The following TP63 variants were observed in gnomAD, a reference collection of about 807,000 sequenced individuals.
The protein encoded by TP63 is tumor protein p63, also known as tumor protein 63.
TP63 carries 17 observed loss-of-function variants against 82.8 expected under a neutral mutation model. That is an observed-to-expected ratio of 0.21 (90% CI 0.14 to 0.31). TP63 has a LOEUF of 0.31. Ranked by LOEUF, TP63 falls within the 10% of genes least tolerant of loss-of-function variation. The probability of loss-of-function intolerance (pLI) is 1.00; values close to 1 mark genes in which losing one functional copy is unlikely to be tolerated. For synonymous variants in TP63, 330 were observed against 321.7 expected (o/e 1.03, Z -0.28); for missense variants, 648 against 895.3 (o/e 0.72, Z 3.52).
chr3:189,713,753 T>C lies in TP63; in HGVS notation c.63-23987T>C, dbSNP rs553168803. On this transcript the variant is annotated intron_variant, in intron 1 of 13. Coordinates refer to ENST00000264731, the MANE Select transcript of TP63 (RefSeq NM_003722.5). ...GTGAATAACTTTATATCCCTCTTCA[T>C]AATTATAATTGATGCTTTTATAAAT... Among the ~76,000 whole-genome samples, 250 of 152,292 alleles carry C rather than the reference T, an allele frequency of 1.6e-3. 3 individuals are homozygous for C. The highest frequency in any genetic ancestry group is 2.9e-3 in the Non-Finnish European group (194 of 68,014).
the TP63 span, among the ~76,000 whole-genome samples, chr3:189,620,061 G>A: frequency 2.0e-5 from 3 of 152,172 alleles, no homozygotes; most frequent in Admixed American, 2.0e-4. Context: ...CGGAAGAAGG[G>A]GGGCACTTCA....
At chr3:189,852,446 G>C (rs2108768792) in intron 4 of TP63, among the ~76,000 whole-genome samples, 1 of 152,264 alleles carries the variant, frequency 6.6e-6, no homozygotes, top group Non-Finnish European at 1.5e-5. Flanking sequence ...TAGTATTTTT[G>C]CAAGCATCTT....
At chr3:189,774,032 C>T (rs1723581552) in intron 3 of TP63, among the ~76,000 whole-genome samples, 1 of 150,784 alleles carries the variant, frequency 6.6e-6, no homozygotes, top group African/African-American at 2.4e-5. Flanking sequence ...ATGCCATTCT[C>T]CTGCCTCAGC....
At chr3:189,596,929 A>G in the TP63 span, among the ~76,000 whole-genome samples, 1 of 151,970 alleles carries the variant, frequency 6.6e-6, no homozygotes, top group Admixed American at 6.5e-5. Flanking sequence ...AGGAACGAAC[A>G]ACTCCAGACG....
intron 1 of TP63, among the ~76,000 whole-genome samples, chr3:189,652,780 C>A (rs538803707): frequency 6.8e-6 from 1 of 146,454 alleles, no homozygotes; most frequent in East Asian, 2.4e-4. Context: ...CCATCCTGTT[C>A]TCATGATAGT....
At chr3:189,862,351 C>A (rs1487815673) in intron 4 of TP63, among the ~76,000 whole-genome samples, 4 of 151,570 alleles carry the variant, frequency 2.6e-5, no homozygotes, top group African/African-American at 4.8e-5. Flanking sequence ...AGATTCCCAC[C>A]CCCATCCCCG....
intron 4 of TP63, among the ~76,000 whole-genome samples, chr3:189,843,514 C>T (rs1026351610): frequency 2.6e-5 from 4 of 152,132 alleles, no homozygotes; most frequent in East Asian, 3.8e-4. Flanking sequence ...GAGCACAATT[C>T]GTACATGTCT....
At position 189,751,056 on chromosome 3, in the gene TP63, G is replaced by A. The variant is rs150959255; in HGVS notation, c.324+12282G>A. 6.2e-3 allele frequency among the ~76,000 whole-genome samples: 939 copies of A among 152,246 alleles called. 11 individuals carry two copies. The highest frequency in any genetic ancestry group is 0.022 in the African/African-American group (904 of 41,536). ...GATTGTTCAGTTCCCACCTATGAGT[G>A]AGAACATGCGGTGTTTGGTTTTCTG... On this transcript the variant is annotated intron_variant, in intron 3 of 13. Transcript: ENST00000264731.
intron 4 of TP63, among the ~76,000 whole-genome samples, chr3:189,810,398 A>T (rs1727414123): frequency 6.6e-6 from 1 of 152,198 alleles, no homozygotes; most frequent in Non-Finnish European, 1.5e-5. Flanking sequence ...CCATTATATT[A>T]GGAGTCAGCA....
chr3:189,663,138 G>T (rs1045812253), intron 1 of TP63, among the ~76,000 whole-genome samples: 56 of 152,048 alleles, frequency 3.7e-4, no homozygotes, highest in African/African-American at 1.3e-3. Flanking sequence ...TGTAGCTGGG[G>T]TATTAATTCT....
intron 3 of TP63, among the ~76,000 whole-genome samples, chr3:189,790,647 C>G (rs1466626801): frequency 6.6e-6 from 1 of 151,646 alleles, no homozygotes; most frequent in Non-Finnish European, 1.5e-5. Context: ...TGAGGGAGGT[C>G]TAACAACAAT....
chr3:189,730,041 A>G (rs866684575), intron 1 of TP63, among the ~76,000 whole-genome samples: 1 of 152,304 alleles, frequency 6.6e-6, no homozygotes, highest in Middle Eastern at 3.4e-3. Context: ...AGCTAACCCG[A>G]AGACTCATTT....
At chr3:189,728,783 C>T (rs958063016) in intron 1 of TP63, among the ~76,000 whole-genome samples, 1 of 152,158 alleles carries the variant, frequency 6.6e-6, no homozygotes, top group Non-Finnish European at 1.5e-5. Flanking sequence ...ACCATCAGAT[C>T]TCATGAGACT....
intron 3 of TP63, among the ~76,000 whole-genome samples, chr3:189,782,958 A>G (rs576285568): frequency 2.6e-5 from 4 of 152,192 alleles, no homozygotes; most frequent in Admixed American, 6.6e-5. Flanking sequence ...ATAAACAGGT[A>G]TACTGTTTGG....
intron 1 of TP63, among the ~76,000 whole-genome samples, chr3:189,682,963 G>A (rs1449606216): frequency 6.6e-6 from 1 of 151,896 alleles, no homozygotes; most frequent in Non-Finnish European, 1.5e-5. Context: ...ATCATGATAG[G>A]GACTTCATTT....
chr3:189,666,766 G>T (rs1714423606), intron 1 of TP63, among the ~76,000 whole-genome samples: 1 of 152,026 alleles, frequency 6.6e-6, no homozygotes, highest in Non-Finnish European at 1.5e-5. Context: ...CTAAATTCAA[G>T]CTTAGTGTAT....
At chr3:189,864,635 A>G (rs1349581644) in intron 5 of TP63, among the ~76,000 whole-genome samples, 1 of 142,844 alleles carries the variant, frequency 7.0e-6, no homozygotes, top group Non-Finnish European at 1.5e-5. Flanking sequence ...ATTTAATATT[A>G]GTAATTACTA....
chr3:189,677,576 T>G (rs1715553319), intron 1 of TP63, among the ~76,000 whole-genome samples: 1 of 151,756 alleles, frequency 6.6e-6, no homozygotes, highest in African/African-American at 2.4e-5. Context: ...AGGCATCTTT[T>G]TGGTATAATG....
At chr3:189,841,084 T>C (rs573578511) in intron 4 of TP63, among the ~76,000 whole-genome samples, 45 of 152,238 alleles carry the variant, frequency 3.0e-4, no homozygotes, top group African/African-American at 1.0e-3. Flanking sequence ...CATCCTAGCA[T>C]GCAGTATAAT....
Sources: gnomAD v4.1 joint callset for allele counts (sites outside exome capture counted in the v4.1 genomes callset) on GRCh38, gnomAD v4.1.1 for gene constraint, MANE v1.5 for transcripts, NCBI Gene and HGNC (gene_info 2026-07-23, HGNC 2026-07-21) for gene names.